The following ATL2 variants were observed in gnomAD, a reference collection of about 807,000 sequenced individuals.
ATL2 encodes atlastin-2.
Under a neutral mutation model 73.9 loss-of-function variants are expected in ATL2, and 31 were observed. The observed-to-expected ratio is 0.42, with a 90% CI of 0.32 to 0.57. The LOEUF (loss-of-function observed/expected upper bound fraction) is 0.57, where lower values mean the gene tolerates loss of function less well. ATL2 is among the 20% of genes least tolerant of loss of function. ATL2 has a pLI of 0.14. For synonymous variants in ATL2, 291 were observed against 237.5 expected (o/e 1.23, Z -2.07); for missense variants, 738 against 702.6 (o/e 1.05, Z -0.57).
At chr2:38,365,308 A>C (rs1427422949) in intron 1 of ATL2, among the ~76,000 whole-genome samples, 2 of 152,198 alleles carry the variant, frequency 1.3e-5, no homozygotes, top group African/African-American at 4.8e-5. Flanking sequence ...TTAGACACTA[A>C]GTTCCATTCT....
intron 1 of ATL2, among the ~76,000 whole-genome samples, chr2:38,358,108 T>C (rs1670785934): frequency 6.6e-6 from 1 of 152,202 alleles, no homozygotes; most frequent in Non-Finnish European, 1.5e-5. Flanking sequence ...GATGCCAAAA[T>C]TGCTGGTCCT....
At chr2:38,331,612 CAA>C (rs35381890) in intron 2 of ATL2, among the ~76,000 whole-genome samples, 29,733 of 91,746 alleles carry the variant, frequency 0.32, 2,802 homozygotes, top group South Asian at 0.43. Flanking sequence ...GACTCCATCT[CAA>C]AAAAAAAAAA....
In ATL2 at chr2:38,343,766, T is replaced by C. The variant is rs10195631; in HGVS notation, c.119-254A>G. On this transcript the variant is annotated intron_variant, in intron 1 of 12. Coordinates refer to ENST00000378954, the MANE Select transcript of ATL2 (RefSeq NM_001135673.4). ...AATTGTAGCTCCCACAATTTCCACATGTTGTGGGAAGGACCCAGTGGGAGG... is the reference window on the plus strand; with the variant it reads ...AATTGTAGCTCCCACAATTTCCACACGTTGTGGGAAGGACCCAGTGGGAGG... Among the ~76,000 whole-genome samples, 443 of 152,026 alleles carry C rather than the reference T, an allele frequency of 2.9e-3. 6 individuals carry two copies. The highest frequency in any genetic ancestry group is 9.9e-3 in the African/African-American group (411 of 41,460).
chr2:38,367,731 C>G (rs1371150468), intron 1 of ATL2, among the ~76,000 whole-genome samples: 1 of 147,520 alleles, frequency 6.8e-6, no homozygotes, highest in Non-Finnish European at 1.5e-5. Context: ...CTCCAGGGTT[C>G]AAGTGATTCT....
At chr2:38,353,253 T>C (rs1670462584) in intron 1 of ATL2, among the ~76,000 whole-genome samples, 1 of 151,972 alleles carries the variant, frequency 6.6e-6, no homozygotes, top group Non-Finnish European at 1.5e-5. Context: ...GCCAAAAAAC[T>C]ATAGAAACTA....
intron 1 of ATL2, among the ~76,000 whole-genome samples, chr2:38,374,077 G>C (rs113800558): frequency 0.01 from 1,537 of 152,306 alleles, 11 homozygotes; most frequent in Non-Finnish European, 0.017. Flanking sequence ...TTTTAGTAGA[G>C]AGGGGGTTTC....
intron 1 of ATL2, among the ~76,000 whole-genome samples, chr2:38,347,907 C>T (rs1014402280): frequency 6.6e-6 from 1 of 151,484 alleles, no homozygotes; most frequent in African/African-American, 2.4e-5. Flanking sequence ...GCTGGAACAA[C>T]AGATGCCCAA....
intron 2 of ATL2, among the ~76,000 whole-genome samples, chr2:38,324,208 G>A (rs1172005754): frequency 6.6e-6 from 1 of 152,184 alleles, no homozygotes; most frequent in Admixed American, 6.5e-5. Context: ...AACCCGGGAG[G>A]CGGAGGATGC....
intron 1 of ATL2, among the ~76,000 whole-genome samples, chr2:38,371,527 T>C (rs569163114): frequency 4.6e-5 from 7 of 151,268 alleles, no homozygotes; most frequent in Non-Finnish European, 7.4e-5. Context: ...AAACAAAATT[T>C]TTAAAAAAAT....
At chr2:38,309,694 C>T (rs920122668) in intron 8 of ATL2, among the ~76,000 whole-genome samples, 188 bp from the exon 9 acceptor site, 1 of 152,104 alleles carries the variant, frequency 6.6e-6, no homozygotes, top group Non-Finnish European at 1.5e-5. Context: ...CCCCCTTACT[C>T]TACTAGCCCA....
At chr2:38,333,002 G>C (rs1251764962) in intron 2 of ATL2, among the ~76,000 whole-genome samples, 2 of 152,128 alleles carry the variant, frequency 1.3e-5, no homozygotes, top group African/African-American at 4.8e-5. Flanking sequence ...GGACAGCCTG[G>C]GCAACAGAGT....
chr2:38,341,845 C>T (rs1314633299), intron 2 of ATL2, among the ~76,000 whole-genome samples: 1 of 152,160 alleles, frequency 6.6e-6, no homozygotes, highest in Non-Finnish European at 1.5e-5. Flanking sequence ...TATTTCTTAC[C>T]TCGAAGAGAA....
At chr2:38,298,711 C>G (rs1171186812) in intron 11 of ATL2, 136 bp from the exon 12 acceptor site, 1 of 839,810 alleles carries the variant, frequency 1.2e-6, no homozygotes, top group Non-Finnish European at 1.9e-6. Flanking sequence ...TACAATACCT[C>G]ACAGGTTATC....
chr2:38,367,992 T>C (rs1671441786), intron 1 of ATL2, among the ~76,000 whole-genome samples: 1 of 150,646 alleles, frequency 6.6e-6, no homozygotes, highest in African/African-American at 2.4e-5. Context: ...TGGAGTGCAG[T>C]GGCGCAATCT....
intron 1 of ATL2, among the ~76,000 whole-genome samples, chr2:38,361,049 G>A (rs1387314552): frequency 6.6e-6 from 1 of 151,986 alleles, no homozygotes; most frequent in Non-Finnish European, 1.5e-5. Context: ...CACCAACGTG[G>A]AATGAAAAAA....
At chr2:38,298,706 T>C in intron 11 of ATL2, 131 bp from the exon 12 acceptor site, 1 of 877,458 alleles carries the variant, frequency 1.1e-6, no homozygotes, top group Non-Finnish European at 1.8e-6. Flanking sequence ...TCACTTACAA[T>C]ACCTCACAGG....
intron 1 of ATL2, among the ~76,000 whole-genome samples, chr2:38,348,345 A>G (rs1670144040): frequency 6.6e-6 from 1 of 151,974 alleles, no homozygotes; most frequent in South Asian, 2.1e-4. Flanking sequence ...GCTTGCCTGT[A>G]ATCCCAGATA....
intron 6 of ATL2, among the ~76,000 whole-genome samples, chr2:38,313,721 G>A (rs1188895980): frequency 1.3e-5 from 2 of 152,112 alleles, no homozygotes; most frequent in Non-Finnish European, 2.9e-5. Flanking sequence ...GACATTTTGG[G>A]TCAGTTAATT....
At chr2:38,365,168 T>C (rs58509095) in intron 1 of ATL2, among the ~76,000 whole-genome samples, 109 of 135,352 alleles carry the variant, frequency 8.1e-4, no homozygotes, top group African/African-American at 2.8e-3. Context: ...CACACACAAA[T>C]ACACACACAC....
Sources: allele counts gnomAD v4.1 joint callset (sites outside exome capture counted in the v4.1 genomes callset), GRCh38; gene constraint gnomAD v4.1.1; transcripts MANE v1.5; gene names NCBI Gene and HGNC (gene_info 2026-07-23, HGNC 2026-07-21).